The following IQCE variants were observed in gnomAD, a reference collection of about 807,000 sequenced individuals.
IQCE encodes IQ domain-containing protein E.
A neutral mutation model predicts 96.0 loss-of-function variants in IQCE; 115 were observed. The ratio of observed to expected loss-of-function variants is 1.20; its 90% CI spans 1.03 to 1.40. IQCE has a LOEUF of 1.40. Among genes scored for constraint, IQCE ranks in the 40% most tolerant of loss-of-function variants. The probability of loss-of-function intolerance (pLI) is 0.00; values close to 1 mark genes in which losing one functional copy is unlikely to be tolerated. For missense variants in IQCE, 1,041 were observed against 909.1 expected (o/e 1.15, Z -1.87); for synonymous variants, 412 against 371.2 (o/e 1.11, Z -1.26).
intron 3 of IQCE, 102 bp from the exon 4 acceptor site, chr7:2,571,424 G>T: frequency 6.8e-7 from 1 of 1,464,444 alleles, no homozygotes; most frequent in Non-Finnish European, 9.4e-7. Flanking sequence ...GAGTCACCAC[G>T]CTCGTGGATT....
At chr7:2,605,094 C>G (rs924022868) in intron 19 of IQCE, 103 bp downstream of exon 19, 2 of 796,510 alleles carry the variant, frequency 2.5e-6, no homozygotes, top group Admixed American at 2.3e-5. Context: ...CTCCACATCC[C>G]CGCCCGCCCA....
intron 17 of IQCE, among the ~76,000 whole-genome samples, chr7:2,599,361 A>G (rs1369705880): frequency 2.0e-5 from 3 of 151,094 alleles, no homozygotes; most frequent in Non-Finnish European, 4.4e-5. Context: ...ACGCCCAGCT[A>G]ATTTTTGTAT....
intron 16 of IQCE, among the ~76,000 whole-genome samples, chr7:2,596,156 G>C (rs927670729): frequency 1.3e-5 from 2 of 152,208 alleles, no homozygotes; most frequent in African/African-American, 4.8e-5. Flanking sequence ...CTGCTCGGGA[G>C]GCAGCGGTGG....
intron 1 of IQCE, among the ~76,000 whole-genome samples, chr7:2,559,720 A>G (rs78625092): frequency 0.21 from 27,576 of 128,346 alleles, 3,551 homozygotes; most frequent in African/African-American, 0.39. Flanking sequence ...TTGCCCGGTA[A>G]ATATCTACTG....
intron 17 of IQCE, among the ~76,000 whole-genome samples, chr7:2,599,956 G>T (rs1487030828): frequency 1.3e-5 from 2 of 152,014 alleles, no homozygotes; most frequent in Non-Finnish European, 2.9e-5. Flanking sequence ...ACCATGCACA[G>T]CTAATTTTTG....
intron 19 of IQCE, among the ~76,000 whole-genome samples, chr7:2,605,333 A>G (rs1249882178): frequency 6.6e-6 from 1 of 152,180 alleles, no homozygotes; most frequent in Admixed American, 6.5e-5. Context: ...AAGAATCCCT[A>G]TAGTAGGCCG....
Position 2,606,106 on chromosome 7 carries a change from G to A in IQCE, c.1865+109G>A, listed in dbSNP as rs146502006. ...GGCATGTGGCGGAAACTGGAGCAGC[G>A]CCTGCCGCCTGCCAGCGGGACCTCG... On this transcript the variant is annotated intron_variant, in intron 20 of 21. Transcript: ENST00000402050. 202 of 1,310,214 alleles carry A rather than the reference G, an allele frequency of 1.5e-4. 2 individuals carry two copies. In the African/African-American group the frequency reaches 2.6e-3, roughly 17 times the overall value. 81.2% of individuals were successfully genotyped at this position (1,310,214 alleles called of 1,614,324 possible).
Position 2,568,998 on chromosome 7 carries a change from A to G in IQCE, c.129A>G (p.Pro43=), listed in dbSNP as rs372444042. The change falls in exon 3 of 22, where the codon CCA becomes CCG. Residue 43 remains proline (P), a splice_region_variant and synonymous_variant. Transcript: ENST00000402050. ...TCCACAAACCTCCACCCACATCGCC[A>G]AGTAAGTATGACGAGGCCTGCCTTC... The part of the protein sequence containing the change: ...KAFHKPPPTS[P]KSPYLSKPRK... 1 of 1,613,928 alleles carries G rather than the reference A, an allele frequency of 6.2e-7. No individual in the cohort carries two copies. The highest frequency in any genetic ancestry group is 1.7e-5 in the Admixed American group (1 of 60,022).
At position 2,569,005 on chromosome 7, in the gene IQCE, T is replaced by C. The variant is rs770504454; in HGVS notation, c.130+6T>C. 6.2e-7 allele frequency: 1 copy of C among 1,613,566 alleles called. No individual in the cohort carries two copies. The highest frequency in any genetic ancestry group is 8.5e-7 in the Non-Finnish European group (1 of 1,179,678). On this transcript the variant is annotated splice_donor_region_variant and intron_variant, in intron 3 of 21. Transcript: ENST00000402050. ...ACCTCCACCCACATCGCCAAGTAAG[T>C]ATGACGAGGCCTGCCTTCCCTCTCA... is the stretch of plus-strand genomic sequence containing the variant.
chr7:2,564,706 G>A (rs1202594270), intron 1 of IQCE, among the ~76,000 whole-genome samples: 1 of 152,198 alleles, frequency 6.6e-6, no homozygotes, highest in African/African-American at 2.4e-5. Context: ...AATTCATTGA[G>A]GCTTTTTTGT....
intron 8 of IQCE, among the ~76,000 whole-genome samples, chr7:2,579,202 G>C (rs1458827472): frequency 6.6e-6 from 1 of 152,158 alleles, no homozygotes; most frequent in East Asian, 1.9e-4. Context: ...TGGTAATGCT[G>C]TGGCGATCAG....
chr7:2,577,732 C>T (rs1330960601), intron 6 of IQCE, among the ~76,000 whole-genome samples: 2 of 114,856 alleles, frequency 1.7e-5, no homozygotes. Flanking sequence ...GTGTGTGCGG[C>T]GTATACGCAT....
chr7:2,563,646 T>C (rs1346166682), intron 1 of IQCE, among the ~76,000 whole-genome samples: 1 of 152,058 alleles, frequency 6.6e-6, no homozygotes, highest in African/African-American at 2.4e-5. Flanking sequence ...TAAAATTCAC[T>C]CACTTTCGGA....
Position 2,567,099 on chromosome 7 carries a change from T to C in IQCE, c.37-17T>C. The C allele has an allele frequency of 6.2e-7, 1 of 1,612,868 alleles. No individual in the cohort carries two copies. The highest frequency in any genetic ancestry group is 2.2e-5 in the East Asian group (1 of 44,878). On this transcript the variant is annotated splice_polypyrimidine_tract_variant and intron_variant, in intron 1 of 21. Coordinates refer to ENST00000402050, the MANE Select transcript of IQCE (RefSeq NM_152558.5). ...GCAGGTGCCGTCGAGTTACAGTGTTTGCCTCTCTTCCTCCAGGGAGATGAC... is the reference window on the plus strand; with the variant it reads ...GCAGGTGCCGTCGAGTTACAGTGTTCGCCTCTCTTCCTCCAGGGAGATGAC...
intron 3 of IQCE, among the ~76,000 whole-genome samples, chr7:2,570,570 G>T (rs1021044113): frequency 1.3e-5 from 2 of 151,730 alleles, no homozygotes; most frequent in African/African-American, 4.8e-5. Flanking sequence ...GTGAAACCGC[G>T]GGAAAAACTT....
Position 2,614,263 on chromosome 7 carries a change from GA to G in IQCE, c.*4102del, listed in dbSNP as rs1455551703. 6.6e-6 allele frequency: 1 copy of G among 152,220 alleles called. No homozygotes were observed. The highest frequency in any genetic ancestry group is 1.5e-5 in the Non-Finnish European group (1 of 68,038). 9.4% of individuals were successfully genotyped at this position (152,220 alleles called of 1,614,324 possible). ...CCGATAACCTTCAAGATCTGAATGA[GA>G]TTCTATTATAACCCGTCTAAACGAT... On this transcript the variant is annotated 3_prime_UTR_variant, in exon 22 of 22. Coordinates refer to ENST00000402050, the MANE Select transcript of IQCE (RefSeq NM_152558.5).
chr7:2,563,344 G>T (rs1036104495), intron 1 of IQCE, among the ~76,000 whole-genome samples: 2 of 151,086 alleles, frequency 1.3e-5, no homozygotes, highest in Non-Finnish European at 2.9e-5. Context: ...CCACAGACAT[G>T]TGCCATGATG....
Position 2,604,977 on chromosome 7 carries a change from G to T in IQCE, c.1729G>T (p.Gly577Cys), listed in dbSNP as rs758636161. 1 of 1,612,798 alleles carries T rather than the reference G, an allele frequency of 6.2e-7. No individual in the cohort carries two copies. The highest frequency in any genetic ancestry group is 1.1e-5 in the South Asian group (1 of 91,064). The change falls in exon 19 of 22, where the codon GGC becomes TGC. Residue 577 changes from glycine to cysteine, a missense_variant. Transcript: ENST00000402050. ...TGGCTCAGAGCCACCCAGCGTGCCA[G>T]GCCTCCCAGACCAGGTAATGTCGGG... ...AHGSEPPSVP[G>C]LPDQSSPVPR...
intron 6 of IQCE, among the ~76,000 whole-genome samples, chr7:2,577,076 TG>T: frequency 6.6e-6 from 1 of 152,276 alleles, no homozygotes; most frequent in African/African-American, 2.4e-5. Flanking sequence ...ATGCCAGGCG[TG>T]CCCTCCGGTG....
Sources: gnomAD v4.1 joint callset for allele counts (sites outside exome capture counted in the v4.1 genomes callset) on GRCh38, gnomAD v4.1.1 for gene constraint, MANE v1.5 for transcripts, NCBI Gene and HGNC (gene_info 2026-07-23, HGNC 2026-07-21) for gene names.